Variants in RANBP2 observed in about 807,000 individuals in gnomAD.
RANBP2 encodes the protein E3 SUMO-protein ligase RanBP2.
A neutral mutation model predicts 303.6 loss-of-function variants in RANBP2; 57 were observed. The observed-to-expected ratio is 0.19, with a 90% confidence interval of 0.15 to 0.23. The LOEUF (loss-of-function observed/expected upper bound fraction) is 0.23. RANBP2 is among the 10% of genes least tolerant of loss of function. RANBP2 has a pLI of 1.00. For synonymous variants in RANBP2, 1,167 were observed against 1,301.5 expected, an observed-to-expected ratio of 0.90 and a Z score of 2.23; for missense variants, 3,138 against 3,780.8, an observed-to-expected ratio of 0.83 and a Z score of 4.46.
intron 1 of RANBP2, among the ~76,000 whole-genome samples, chr2:108,726,926 G>A (rs1694762839): frequency 6.6e-6 from 1 of 152,180 alleles, no homozygotes. Context: ...CACAGCACAT[G>A]TTTCAGAGAG....
At chr2:109,034,005 G>A in the RANBP2 span, among the ~76,000 whole-genome samples, 1 of 150,414 alleles carries the variant, frequency 6.6e-6, no homozygotes, top group African/African-American at 2.4e-5. Flanking sequence ...GCTGACGCCT[G>A]TAATCCCAGC....
the RANBP2 span, among the ~76,000 whole-genome samples, chr2:109,636,269 G>T: frequency 5.2e-4 from 79 of 152,150 alleles, no homozygotes; most frequent in African/African-American, 1.8e-3. Flanking sequence ...TGATGGTTTA[G>T]AACTCTCATG....
chr2:109,417,796 T>C, the RANBP2 span, among the ~76,000 whole-genome samples: 2 of 152,148 alleles, frequency 1.3e-5, no homozygotes, highest in African/African-American at 4.8e-5. Context: ...CAGGCTCTGC[T>C]ATGATTGCTG....
chr2:108,967,687 A>G, the RANBP2 span, among the ~76,000 whole-genome samples: 2 of 152,300 alleles, frequency 1.3e-5, no homozygotes, highest in African/African-American at 2.4e-5. Context: ...ATTTTACTTC[A>G]TAAACCAATT....
the RANBP2 span, among the ~76,000 whole-genome samples, chr2:109,631,814 C>G: frequency 2.0e-5 from 3 of 151,950 alleles, no homozygotes; most frequent in Admixed American, 2.0e-4. Flanking sequence ...AATAATTTGT[C>G]TAGTCTTTGT....
the RANBP2 span, among the ~76,000 whole-genome samples, chr2:109,541,274 A>G: frequency 1.3e-5 from 2 of 152,158 alleles, no homozygotes; most frequent in African/African-American, 4.8e-5. Context: ...ATTTTCTCAT[A>G]TTTTAATTCA....
the RANBP2 span, among the ~76,000 whole-genome samples, chr2:109,218,864 A>G: frequency 6.6e-6 from 1 of 152,224 alleles, no homozygotes; most frequent in African/African-American, 2.4e-5. Context: ...CAAACCCACA[A>G]TCAATGCAAT....
At chr2:108,952,190 G>A in the RANBP2 span, among the ~76,000 whole-genome samples, 2 of 152,218 alleles carry the variant, frequency 1.3e-5, no homozygotes, top group African/African-American at 2.4e-5. Context: ...TTTCAGGTAT[G>A]AGCACCATGT....
chr2:109,169,714 CTATATA>C, the RANBP2 span, among the ~76,000 whole-genome samples: 1 of 150,876 alleles, frequency 6.6e-6, no homozygotes, highest in Non-Finnish European at 1.5e-5. Flanking sequence ...CTATATATAT[CTATATA>C]TATAACCAAA....
chr2:109,014,437 T>G, the RANBP2 span, among the ~76,000 whole-genome samples: 1 of 152,224 alleles, frequency 6.6e-6, no homozygotes, highest in Non-Finnish European at 1.5e-5. Context: ...GTGGTTCATA[T>G]CTGTTGAGCA....
In RANBP2 at chr2:108,781,331, C is replaced by G. The variant is rs1245195862; in HGVS notation, c.8662C>G (p.Gln2888Glu). Reference protein sequence around the residue: ...AVFGTQSVGTQSAGKVGEDED... With the variant: ...AVFGTQSVGTESAGKVGEDED... ...GTTTGGAACACAGTCAGTCGGAACC[C>G]AGTCAGCCGGTAAAGTTGGTGAAGA... Residue 2888 changes from glutamine to glutamate, a missense_variant, in exon 26 of 29, where the codon CAG (glutamine) becomes GAG (glutamate). This residue lies in a region of RANBP2 where 497 missense variants were observed against 465.8 expected (regional missense o/e 1.07). Transcript: ENST00000283195. 6.2e-7 allele frequency: 1 copy of G among 1,613,996 alleles called. No individual in the cohort carries two copies. Among genetic ancestry groups the G allele is most frequent in the Non-Finnish European group, 8.5e-7 (1 of 1,180,026 alleles).
chr2:109,476,743 G>T, the RANBP2 span, among the ~76,000 whole-genome samples: 1 of 152,218 alleles, frequency 6.6e-6, no homozygotes, highest in African/African-American at 2.4e-5. Context: ...TACAAGAATA[G>T]CTGTTCCATA....
At chr2:109,276,693 C>A in the RANBP2 span, among the ~76,000 whole-genome samples, 1 of 152,106 alleles carries the variant, frequency 6.6e-6, no homozygotes, top group Non-Finnish European at 1.5e-5. Context: ...GATAGAGACC[C>A]TTTTTGGCTT....
At chr2:108,719,962 G>T (rs1360717925) in intron 1 of RANBP2, 1 of 985,226 alleles carries the variant, frequency 1.0e-6, no homozygotes, top group Non-Finnish European at 1.2e-6. Flanking sequence ...GCCCTGGCCC[G>T]GGCTTTCTGG....
At chr2:109,117,074 G>C in the RANBP2 span, among the ~76,000 whole-genome samples, 1 of 152,234 alleles carries the variant, frequency 6.6e-6, no homozygotes, top group African/African-American at 2.4e-5. Context: ...GCTGCTCAGG[G>C]ATCAGGGGTC....
chr2:109,543,392 TC>T, the RANBP2 span: 2 of 152,164 alleles, frequency 1.3e-5, no homozygotes, highest in Non-Finnish European at 2.9e-5. Context: ...ATATTTTGTT[TC>T]ACCACAGTAA....
chr2:109,481,433 T>G, the RANBP2 span, among the ~76,000 whole-genome samples: 1 of 152,056 alleles, frequency 6.6e-6, no homozygotes, highest in Non-Finnish European at 1.5e-5. Context: ...TTCCTCCAGT[T>G]TGGAGCTTCT....
chr2:109,021,365 T>C, the RANBP2 span, among the ~76,000 whole-genome samples: 1 of 151,134 alleles, frequency 6.6e-6, no homozygotes, highest in African/African-American at 2.4e-5. Flanking sequence ...CTTCTAAACA[T>C]ACAAAAAAGT....
the RANBP2 span, among the ~76,000 whole-genome samples, chr2:108,814,445 C>T: frequency 3.3e-5 from 5 of 151,738 alleles, no homozygotes; most frequent in African/African-American, 7.3e-5. Context: ...TGAAGATAAT[C>T]GAAGTTTTCA....
Sources: allele counts gnomAD v4.1 joint callset (sites outside exome capture counted in the v4.1 genomes callset), GRCh38; gene constraint gnomAD v4.1.1; regional missense constraint gnomAD v4.1.1; transcripts MANE v1.5; gene names NCBI Gene and HGNC (gene_info 2026-07-23, HGNC 2026-07-21).